The following MCC variants were observed in gnomAD, a reference collection of about 807,000 sequenced individuals.
MCC encodes the protein colorectal mutant cancer protein.
MCC carries 90 observed loss-of-function variants against 116.2 expected under a neutral mutation model. The ratio of observed to expected loss-of-function variants is 0.77; its 90% confidence interval spans 0.65 to 0.92. The LOEUF (loss-of-function observed/expected upper bound fraction) is 0.92. Among genes scored for constraint, MCC ranks in the 40% least tolerant of loss-of-function variants. MCC has a pLI of 0.00. For missense variants in MCC, 1,516 were observed against 1,312.2 expected, an observed-to-expected ratio of 1.16 and a Z score of -2.40; for synonymous variants, 578 against 510.5, an observed-to-expected ratio of 1.13 and a Z score of -1.78.
intron 1 of MCC, among the ~76,000 whole-genome samples, chr5:113,452,802 C>T (rs963638773): frequency 2.0e-5 from 3 of 152,146 alleles, no homozygotes; most frequent in Non-Finnish European, 4.4e-5. Flanking sequence ...CAGGTGCATG[C>T]ACAGGTGCAG....
intron 17 of MCC, among the ~76,000 whole-genome samples, chr5:113,031,873 C>T (rs1236747445): frequency 1.3e-5 from 2 of 152,140 alleles, no homozygotes; most frequent in African/African-American, 4.8e-5. Context: ...CCAGGCCAAC[C>T]CCAGCTTAGG....
chr5:113,094,489 C>T (rs772562672), intron 8 of MCC, among the ~76,000 whole-genome samples: 3 of 150,812 alleles, frequency 2.0e-5, no homozygotes, highest in Admixed American at 6.6e-5. Flanking sequence ...GGCGCGATCA[C>T]GGCTTGCTGC....
At chr5:113,239,044 C>T (rs959889151) in intron 3 of MCC, among the ~76,000 whole-genome samples, 11 of 151,982 alleles carry the variant, frequency 7.2e-5, no homozygotes, top group Admixed American at 3.9e-4. Flanking sequence ...TATCCTTTAA[C>T]GTCTAGTTTA....
At position 113,458,034 on chromosome 5, in the gene MCC, A is replaced by G. The variant is rs528721246; in HGVS notation, c.170+30211T>C. On this transcript the variant is annotated intron_variant, in intron 1 of 18. Coordinates refer to ENST00000408903, the MANE Select transcript of MCC (RefSeq NM_001085377.2). ...CTAGCTCAGGGATTGTAAACGCACC[A>G]ATCAGCACCCTGTCAAAACAGACCA... Among the ~76,000 whole-genome samples the G allele has an allele frequency of 2.1e-4, 32 of 152,298 alleles. 1 individual carries two copies. The South Asian group carries it at 6.6e-3, about 32-fold the overall frequency.
At chr5:113,201,507 A>G (rs1762679800) in intron 3 of MCC, among the ~76,000 whole-genome samples, 1 of 151,964 alleles carries the variant, frequency 6.6e-6, no homozygotes, top group African/African-American at 2.4e-5. Context: ...CTTCTTGGTG[A>G]CTTTAAAAAC....
At chr5:113,360,111 C>T (rs988159418) in intron 2 of MCC, among the ~76,000 whole-genome samples, 16 of 151,950 alleles carry the variant, frequency 1.1e-4, no homozygotes, top group Non-Finnish European at 1.8e-4. Context: ...GTATGGCATG[C>T]CAATGACATT....
intron 2 of MCC, among the ~76,000 whole-genome samples, chr5:113,349,159 A>G (rs183151159): frequency 6.6e-6 from 1 of 152,062 alleles, no homozygotes; most frequent in African/African-American, 2.4e-5. Context: ...CAAAGTGTTC[A>G]AAAAAATAGA....
chr5:113,119,445 C>A (rs1757605697), intron 6 of MCC, among the ~76,000 whole-genome samples: 1 of 152,128 alleles, frequency 6.6e-6, no homozygotes, highest in African/African-American at 2.4e-5. Flanking sequence ...CAGCACAGAG[C>A]CCCGGGCAGG....
chr5:113,263,190 C>A (rs1358695688), intron 3 of MCC, among the ~76,000 whole-genome samples: 2 of 152,142 alleles, frequency 1.3e-5, no homozygotes, highest in Non-Finnish European at 2.9e-5. Flanking sequence ...AGCTCAGTGG[C>A]ATCTGCTGGA....
chr5:113,433,870 G>C, intron 1 of MCC: 1 of 1,613,956 alleles, frequency 6.2e-7, no homozygotes, highest in South Asian at 1.1e-5. Context: ...TTTGTCTCAG[G>C]CTGTGCCTGG....
chr5:113,239,611 T>C (rs538816707), intron 3 of MCC, among the ~76,000 whole-genome samples: 3 of 152,164 alleles, frequency 2.0e-5, no homozygotes, highest in South Asian at 4.2e-4. Context: ...TCCGTAGTAA[T>C]GTCCAGATGG....
chr5:113,394,167 C>T (rs1272120350), intron 1 of MCC, among the ~76,000 whole-genome samples: 1 of 151,990 alleles, frequency 6.6e-6, no homozygotes, highest in African/African-American at 2.4e-5. Flanking sequence ...ATCCAGTCAC[C>T]CATGCTGGAA....
intron 3 of MCC, among the ~76,000 whole-genome samples, chr5:113,184,684 T>C (rs570448225): frequency 6.6e-6 from 1 of 152,152 alleles, no homozygotes; most frequent in South Asian, 2.1e-4. Context: ...GGATTATTTT[T>C]ATTAAAAATA....
chr5:113,332,081 C>T lies in MCC; in HGVS notation c.627+8438G>A, dbSNP rs555175418. Reference sequence around the variant, plus strand: ...ATAAAAAAGTGATCAGTAAATATTTCGAAATCTCCTTGAAAGATCTCATTT... The same window carrying T: ...ATAAAAAAGTGATCAGTAAATATTTTGAAATCTCCTTGAAAGATCTCATTT... On this transcript the variant is annotated intron_variant, in intron 3 of 18. Transcript: ENST00000408903. Among the ~76,000 whole-genome samples the T allele has an allele frequency of 7.9e-5, 12 of 151,740 alleles. No individual in the cohort carries two copies. In the South Asian group the frequency reaches 1.4e-3, roughly 18 times the overall value.
At chr5:113,361,828 C>A (rs1850411) in intron 2 of MCC, among the ~76,000 whole-genome samples, 5,195 of 152,304 alleles carry the variant, frequency 0.034, 116 homozygotes, top group Middle Eastern at 0.048. Context: ...CCTTGCACAT[C>A]AAAATTCTGG....
At chr5:113,257,250 A>G (rs1765043069) in intron 3 of MCC, among the ~76,000 whole-genome samples, 1 of 152,136 alleles carries the variant, frequency 6.6e-6, no homozygotes, top group African/African-American at 2.4e-5. Flanking sequence ...GTGGGTCCAG[A>G]GTTCAGGCTG....
At chr5:113,391,738 T>C (rs1485789182) in intron 1 of MCC, among the ~76,000 whole-genome samples, 4 of 147,008 alleles carry the variant, frequency 2.7e-5, no homozygotes, top group Non-Finnish European at 6.0e-5. Flanking sequence ...AAAAAAAAGC[T>C]GGTCATCAGG....
At chr5:113,349,419 A>T (rs2150381508) in intron 2 of MCC, among the ~76,000 whole-genome samples, 1 of 152,206 alleles carries the variant, frequency 6.6e-6, no homozygotes. Flanking sequence ...TGTGATACTC[A>T]TATCAACTGA....
intron 15 of MCC, among the ~76,000 whole-genome samples, chr5:113,051,810 A>G (rs577545303): frequency 8.5e-5 from 13 of 152,326 alleles, no homozygotes; most frequent in Admixed American, 7.8e-4. Flanking sequence ...ATGAAAAGGT[A>G]TTACAAAAAC....
Sources: gnomAD v4.1 joint callset for allele counts (sites outside exome capture counted in the v4.1 genomes callset) on GRCh38, gnomAD v4.1.1 for gene constraint, MANE v1.5 for transcripts, NCBI Gene and HGNC (gene_info 2026-07-23, HGNC 2026-07-21) for gene names.